SH3PXD2A: variants seen among roughly 807,000 people sequenced by gnomAD.
SH3PXD2A encodes the protein SH3 and PX domain-containing protein 2A.
In SH3PXD2A, 32 loss-of-function variants were observed where a neutral mutation model predicts 115.2. The observed-to-expected ratio is 0.28, with a 90% confidence interval of 0.21 to 0.37. SH3PXD2A has a LOEUF of 0.37. Among genes scored for constraint, SH3PXD2A ranks in the 10% least tolerant of loss-of-function variants. SH3PXD2A has a pLI of 1.00. For synonymous variants in SH3PXD2A, 610 were observed against 629.1 expected (o/e 0.97, Z 0.45); for missense variants, 1,328 against 1,498.7 (o/e 0.89, Z 1.88).
At chr10:103,755,575 G>A (rs2038630984) in intron 3 of SH3PXD2A, among the ~76,000 whole-genome samples, 1 of 152,104 alleles carries the variant, frequency 6.6e-6, no homozygotes, top group African/African-American at 2.4e-5. Context: ...TGCTGAGTTG[G>A]GATTTGAACC....
chr10:103,621,446 T>C (rs2036601958), intron 10 of SH3PXD2A, among the ~76,000 whole-genome samples: 1 of 152,204 alleles, frequency 6.6e-6, no homozygotes. Context: ...GAGCCAGCCA[T>C]AGGCTGTAGC....
Position 103,665,788 on chromosome 10 carries a change from G to C in SH3PXD2A, c.472+2820C>G, listed in dbSNP as rs953468160. Among the ~76,000 whole-genome samples, 1 of 152,234 alleles carries C rather than the reference G, an allele frequency of 6.6e-6. No individual in the cohort carries two copies. The highest frequency in any genetic ancestry group is 1.5e-5 in the Non-Finnish European group (1 of 68,032). ...GGCTGGAGGAGTCTGCCTGAGTGGG[G>C]AGGGGGCAGTGGAGGGAGCCTGGTG... On this transcript the variant is annotated intron_variant, in intron 7 of 14. Coordinates refer to ENST00000369774, the MANE Select transcript of SH3PXD2A (RefSeq NM_001394015.1). The surrounding 1 kb of genome is among the most constrained non-coding windows in gnomAD (Gnocchi z 4.0).
intron 8 of SH3PXD2A, among the ~76,000 whole-genome samples, chr10:103,642,954 T>C (rs1006587116): frequency 1.3e-5 from 2 of 152,134 alleles, no homozygotes; most frequent in Non-Finnish European, 2.9e-5. Context: ...CCCTCTTCAA[T>C]TGGGCAAAAA....
intron 2 of SH3PXD2A, among the ~76,000 whole-genome samples, chr10:103,778,125 C>T (rs2038897712): frequency 1.3e-5 from 2 of 151,904 alleles, no homozygotes; most frequent in African/African-American, 2.4e-5. Flanking sequence ...GTCAGGAGAT[C>T]GAGACCATCC....
chr10:103,681,770 G>GCGCA (rs2037613240), intron 6 of SH3PXD2A, among the ~76,000 whole-genome samples: 1 of 139,192 alleles, frequency 7.2e-6, no homozygotes, highest in Admixed American at 7.3e-5. Flanking sequence ...GCGCGCGCGC[G>GCGCA]CGCACACACA....
intron 7 of SH3PXD2A, among the ~76,000 whole-genome samples, chr10:103,663,818 A>G (rs1028153211): frequency 5.9e-5 from 9 of 152,222 alleles, no homozygotes; most frequent in African/African-American, 2.2e-4. Flanking sequence ...TTCTCCCATG[A>G]GGTGTGGGCC....
chr10:103,831,525 T>C lies in SH3PXD2A; in HGVS notation c.72+23670A>G, dbSNP rs561606554. Among the ~76,000 whole-genome samples the C allele has an allele frequency of 9.3e-4, 141 of 152,316 alleles. 1 individual carries two copies. Among genetic ancestry groups the C allele is most frequent in the Non-Finnish European group, 1.5e-3 (104 of 68,022 alleles). ...AACTCATATACTATTAAGGTCACCA[T>C]TTTAACGTGTACAATTTGGCTGGGC... On this transcript the variant is annotated intron_variant, in intron 1 of 14. Transcript: ENST00000369774.
intron 5 of SH3PXD2A, among the ~76,000 whole-genome samples, chr10:103,720,078 G>C (rs1411997776): frequency 1.3e-5 from 2 of 152,226 alleles, no homozygotes; most frequent in Non-Finnish European, 2.9e-5. Context: ...AGGCTGTAAA[G>C]TCCAAGATCA....
intron 5 of SH3PXD2A, among the ~76,000 whole-genome samples, chr10:103,706,081 A>T (rs745601027): frequency 2.6e-5 from 4 of 152,184 alleles, no homozygotes; most frequent in Non-Finnish European, 5.9e-5. Context: ...GGAGGTCACA[A>T]CTTCAGGGCT....
intron 1 of SH3PXD2A, among the ~76,000 whole-genome samples, chr10:103,847,521 T>G (rs914837194): frequency 2.0e-5 from 3 of 152,254 alleles, no homozygotes; most frequent in Non-Finnish European, 4.4e-5. Context: ...GATGGGGTCT[T>G]GCTACATTGT....
chr10:103,844,357 C>T (rs1206863800), intron 1 of SH3PXD2A, among the ~76,000 whole-genome samples: 4 of 152,228 alleles, frequency 2.6e-5, no homozygotes, highest in Non-Finnish European at 5.9e-5. Flanking sequence ...GGCCAGGCCT[C>T]CTCCTCTGTT....
intron 8 of SH3PXD2A, among the ~76,000 whole-genome samples, chr10:103,645,358 C>T (rs2037020734): frequency 6.6e-6 from 1 of 152,222 alleles, no homozygotes; most frequent in Non-Finnish European, 1.5e-5. Flanking sequence ...AATGTTCCTT[C>T]TTCCAGTTCC....
intron 2 of SH3PXD2A, among the ~76,000 whole-genome samples, chr10:103,767,977 G>A (rs992323398): frequency 5.9e-5 from 9 of 152,148 alleles, no homozygotes; most frequent in Non-Finnish European, 4.4e-5. Flanking sequence ...TGCTGCCCCA[G>A]CTGTGTGACC....
chr10:103,662,386 CTTTTTTTTTT>C (rs571936334), intron 7 of SH3PXD2A, among the ~76,000 whole-genome samples: 1 of 39,714 alleles, frequency 2.5e-5, no homozygotes, highest in African/African-American at 1.2e-4. Flanking sequence ...ATATGATGTG[CTTTTTTTTTT>C]TTTTTTTTTT....
chr10:103,725,994 G>A (rs1284369948), intron 4 of SH3PXD2A, among the ~76,000 whole-genome samples: 1 of 152,188 alleles, frequency 6.6e-6, no homozygotes, highest in African/African-American at 2.4e-5. Flanking sequence ...GAGGCCGGGT[G>A]TAGCCCCGTT....
At chr10:103,813,760 C>G (rs1293068252) in intron 1 of SH3PXD2A, among the ~76,000 whole-genome samples, 3 of 152,210 alleles carry the variant, frequency 2.0e-5, no homozygotes, top group Admixed American at 2.0e-4. Flanking sequence ...TTTGCTCATT[C>G]TTGTGGGGCT....
intron 5 of SH3PXD2A, among the ~76,000 whole-genome samples, chr10:103,703,101 A>C (rs2037939892): frequency 6.6e-6 from 1 of 152,150 alleles, no homozygotes. Context: ...TTTCCCATGG[A>C]GGCCAAGGAG....
chr10:103,620,085 G>A lies in SH3PXD2A; in HGVS notation c.802+2385C>T, dbSNP rs1282551826. Among the ~76,000 whole-genome samples, 1 of 152,246 alleles carries A rather than the reference G, an allele frequency of 6.6e-6. No individual in the cohort carries two copies. The highest frequency in any genetic ancestry group is 1.5e-5 in the Non-Finnish European group (1 of 68,048). ...CCACAAACCCCATCTGGGGGCGCCA[G>A]ACAAGAGGAGGCCCAGACAGACGGA... On this transcript the variant is annotated intron_variant, in intron 10 of 14. Transcript: ENST00000369774. The surrounding 1 kb of genome is among the most constrained non-coding windows in gnomAD (Gnocchi z 5.3).
At chr10:103,741,913 G>A (rs1165847540) in intron 3 of SH3PXD2A, among the ~76,000 whole-genome samples, 1 of 152,204 alleles carries the variant, frequency 6.6e-6, no homozygotes, top group African/African-American at 2.4e-5. Flanking sequence ...GGGAGGCCGA[G>A]GCTGGAGGAT....
Sources: allele counts gnomAD v4.1 joint callset (sites outside exome capture counted in the v4.1 genomes callset), GRCh38; gene constraint gnomAD v4.1.1; non-coding constraint Gnocchi (gnomAD v3.1); transcripts MANE v1.5; gene names NCBI Gene and HGNC (gene_info 2026-07-23, HGNC 2026-07-21).